MDN1: variants seen among roughly 807,000 people sequenced by gnomAD.
The protein encoded by MDN1 is midasin AAA ATPase 1.
A neutral mutation model predicts 669.2 loss-of-function variants in MDN1; 266 were observed. The observed-to-expected ratio is 0.40, with a 90% CI of 0.36 to 0.44. MDN1 has a LOEUF of 0.44. MDN1 is among the 20% of genes least tolerant of loss of function. The pLI is 1.00. For synonymous variants in MDN1, 2,385 were observed against 2,457.1 expected, an observed-to-expected ratio of 0.97 and a Z score of 0.87; for missense variants, 5,940 against 6,754.0, an observed-to-expected ratio of 0.88 and a Z score of 4.22.
At chr6:89,765,004 C>T (rs1817740382) in intron 15 of MDN1, among the ~76,000 whole-genome samples, 1 of 152,154 alleles carries the variant, frequency 6.6e-6, no homozygotes, top group African/African-American at 2.4e-5. Flanking sequence ...CACGCGGTGG[C>T]CCAGCACTTT....
At chr6:89,754,641 T>C (rs1000951847) in intron 20 of MDN1, among the ~76,000 whole-genome samples, 3 of 152,218 alleles carry the variant, frequency 2.0e-5, no homozygotes, top group Admixed American at 6.5e-5. Context: ...AATATGGCTA[T>C]AATTAGTACT....
chr6:89,805,070 C>T (rs950347125), intron 1 of MDN1, among the ~76,000 whole-genome samples: 2 of 149,608 alleles, frequency 1.3e-5, no homozygotes, highest in Non-Finnish European at 3.0e-5. Flanking sequence ...TTCTAGTGCC[C>T]GGGTTCAGAA....
rs1220566930 is a variant in MDN1 at position 89,710,805 on chromosome 6, A to C, written c.7652-11T>G. On this transcript the variant is annotated splice_polypyrimidine_tract_variant and intron_variant, in intron 49 of 101. Transcript: ENST00000369393. ...GAATTTGTATGGACTCTGTGGAGGAAGGAGAAACCAGTGTTAGACTCTAAA... is the reference window on the plus strand; with the variant it reads ...GAATTTGTATGGACTCTGTGGAGGACGGAGAAACCAGTGTTAGACTCTAAA... 1.3e-6 allele frequency: 2 copies of C among 1,505,314 alleles called. No individual in the cohort carries two copies. Among genetic ancestry groups the C allele is most frequent in the Non-Finnish European group, 1.8e-6 (2 of 1,088,792 alleles). The allele number at this position is 1,505,314 out of a possible 1,614,324, so 93.2% of individuals were successfully genotyped here.
chr6:89,779,844 T>A (rs1818567530), intron 11 of MDN1, among the ~76,000 whole-genome samples: 1 of 152,050 alleles, frequency 6.6e-6, no homozygotes. Flanking sequence ...CGTGGGTGGA[T>A]CACTTGAGGT....
chr6:89,747,544 A>G, intron 26 of MDN1, 74 bp from the exon 27 acceptor site: 1 of 1,401,600 alleles, frequency 7.1e-7, no homozygotes, highest in Non-Finnish European at 9.7e-7. Flanking sequence ...CAATGCATAT[A>G]AAATTCATAA....
intron 20 of MDN1, among the ~76,000 whole-genome samples, chr6:89,755,607 A>T (rs972094843): frequency 2.6e-5 from 4 of 152,178 alleles, no homozygotes; most frequent in Non-Finnish European, 4.4e-5. Flanking sequence ...ATACACAAAC[A>T]CACAGTAAAA....
At position 89,688,597 on chromosome 6, in the gene MDN1, C is replaced by A. The variant is rs773208535; in HGVS notation, c.11235G>T (p.Trp3745Cys). The A allele has an allele frequency of 2.5e-6, 4 of 1,614,026 alleles. No individual in the cohort carries two copies. The highest frequency in any genetic ancestry group is 3.4e-6 in the Non-Finnish European group (4 of 1,179,946). ...SEAVSHLLQD[W>C]PEHPALEQLL... The stretch of plus-strand genomic sequence containing the variant: ...CCTGTTCAAGCGCTGGGTGTTCTGG[C>A]CAGTCCTGTAGCAAGTGACTGACAG... Residue 3745 changes from tryptophan (W) to cysteine (C), a missense_variant, in exon 66 of 102, where the codon TGG becomes TGT. By Grantham distance (215) the Trp-to-Cys change is radical. Coordinates refer to ENST00000369393, the MANE Select transcript of MDN1 (RefSeq NM_014611.3).
rs561330445 is a variant in MDN1 at position 89,774,749 on chromosome 6, T to C, written c.1822-16A>G. ...AGAATTCAGCCTGTAGGAGGTAAGA[T>C]TTTACCTGAGTAAAAATCCACATGC... On this transcript the variant is annotated splice_polypyrimidine_tract_variant and intron_variant, in intron 12 of 101. Transcript: ENST00000369393. 1.1e-4 allele frequency: 167 copies of C among 1,557,032 alleles called. 2 individuals carry two copies. The Middle Eastern group carries it at 1.2e-3, about 11-fold the overall frequency.
chr6:89,792,233 C>A (rs556437023), intron 5 of MDN1, among the ~76,000 whole-genome samples: 22 of 152,108 alleles, frequency 1.4e-4, no homozygotes, highest in Middle Eastern at 3.4e-3. Flanking sequence ...GATTTATAAC[C>A]TTAAAGGGGT....
rs143953044 is a variant in MDN1, at chr6:89,803,366, C to T, written c.291G>A (p.Ser97=). Residue 97 remains serine (S), a synonymous_variant, in exon 2 of 102, where the codon TCG becomes TCA. Transcript: ENST00000369393. ...NHDLHERLCV[S]MSKLIGNHPD... is the part of the protein sequence containing the mutation. ...GATGGTTACCAATGAGTTTGCTCAT[C>T]GACACACATAGCCGTTCATGCAGAT... 7.7e-5 allele frequency: 125 copies of T among 1,614,132 alleles called. 1 individual carries two copies. The highest frequency in any genetic ancestry group is 7.2e-4 in the African/African-American group (54 of 75,032).
At chr6:89,687,581 G>T in intron 67 of MDN1, 143 bp from the exon 68 acceptor site, 1 of 672,428 alleles carries the variant, frequency 1.5e-6, no homozygotes, top group Non-Finnish European at 2.5e-6. Flanking sequence ...TGAATTTACA[G>T]TGTATCAGCT....
At chr6:89,670,139 CAT>C (rs1168606501) in intron 83 of MDN1, among the ~76,000 whole-genome samples, 172 of 48,960 alleles carry the variant, frequency 3.5e-3, no homozygotes, top group Middle Eastern at 0.023. Context: ...TCCAAAAAAA[CAT>C]ATATATATAT....
In MDN1 at chr6:89,680,640, T is replaced by G. The variant is rs1584169697; in HGVS notation, c.12214A>C (p.Met4072Leu). Residue 4072 changes from methionine (M) to leucine (L), a missense_variant, in exon 74 of 102, where the codon ATG becomes CTG. Met to Leu is a conservative substitution (Grantham distance 15). Transcript: ENST00000369393. ...KRMRKMCLTFMKESPLPRLVE... is the reference protein window; with the variant it reads ...KRMRKMCLTFLKESPLPRLVE... ...AGGCGAGGCAGGGGGCTCTCCTTCA[T>G]GAACGTCAGGCACATCTTCCTCATG... 1 of 1,614,134 alleles carries G rather than the reference T, an allele frequency of 6.2e-7. No homozygotes were observed. Among genetic ancestry groups the G allele is most frequent in the Non-Finnish European group, 8.5e-7 (1 of 1,180,032 alleles).
rs192682879 is a variant in MDN1 at position 89,717,328 on chromosome 6, A to T, written c.6584-519T>A. ...TGACCATTTTTCATATCACAAGGTA[A>T]TACACATTGGATTTCTACTTCTAAA... On this transcript the variant is annotated intron_variant, in intron 43 of 101. Transcript: ENST00000369393. Among the ~76,000 whole-genome samples, 62 of 152,322 alleles carry T rather than the reference A, an allele frequency of 4.1e-4. 1 individual carries two copies. The highest frequency in any genetic ancestry group is 1.7e-3 in the Admixed American group (26 of 15,300).
At chr6:89,778,913 A>AATAAATAC (rs1818489145) in intron 11 of MDN1, among the ~76,000 whole-genome samples, 1 of 147,468 alleles carries the variant, frequency 6.8e-6, no homozygotes, top group East Asian at 1.9e-4. Context: ...TAAATAAATA[A>AATAAATAC]ATAAATAAAT....
intron 93 of MDN1, among the ~76,000 whole-genome samples, chr6:89,653,424 C>G (rs1562036731): frequency 6.6e-6 from 1 of 152,176 alleles, no homozygotes; most frequent in Non-Finnish European, 1.5e-5. Flanking sequence ...CCTAAGAAGC[C>G]TTGTAAAACT....
chr6:89,728,115 G>A (rs1815353640), intron 36 of MDN1, among the ~76,000 whole-genome samples, 160 bp from the exon 37 acceptor site: 1 of 151,780 alleles, frequency 6.6e-6, no homozygotes, highest in South Asian at 2.1e-4. Flanking sequence ...TCTTTACCAG[G>A]AGCCCAAACA....
At chr6:89,766,976 A>G (rs749216247) in intron 15 of MDN1, among the ~76,000 whole-genome samples, 3 of 152,070 alleles carry the variant, frequency 2.0e-5, no homozygotes, top group Admixed American at 6.5e-5. Context: ...CCTTCTCAAT[A>G]TATCACTGTT....
At chr6:89,778,709 C>T (rs1381190568) in intron 11 of MDN1, among the ~76,000 whole-genome samples, 1 of 151,246 alleles carries the variant, frequency 6.6e-6, no homozygotes, top group Non-Finnish European at 1.5e-5. Flanking sequence ...AGGGTGAAAC[C>T]CCATCTCTAC....
Sources: gnomAD v4.1 joint callset for allele counts (sites outside exome capture counted in the v4.1 genomes callset) on GRCh38, gnomAD v4.1.1 for gene constraint, MANE v1.5 for transcripts, NCBI Gene and HGNC (gene_info 2026-07-23, HGNC 2026-07-21) for gene names.